Variants in ZFYVE9 observed in about 807,000 individuals in gnomAD.
ZFYVE9 encodes zinc finger FYVE-type containing 9, also known as zinc finger FYVE domain-containing protein 9.
In ZFYVE9, 43 loss-of-function variants were observed where a neutral mutation model predicts 126.7. The ratio of observed to expected loss-of-function variants is 0.34; its 90% CI spans 0.27 to 0.44. ZFYVE9 has a LOEUF of 0.44. Among genes scored for constraint, ZFYVE9 ranks in the 20% least tolerant of loss-of-function variants. The pLI, the probability that ZFYVE9 is intolerant of heterozygous loss-of-function variation, is 1.00. For missense variants in ZFYVE9, 1,476 were observed against 1,697.0 expected, an observed-to-expected ratio of 0.87 and a Z score of 2.29; for synonymous variants, 521 against 597.4, an observed-to-expected ratio of 0.87 and a Z score of 1.87.
intron 1 of ZFYVE9, among the ~76,000 whole-genome samples, chr1:52,207,002 G>T (rs969618046): frequency 9.2e-5 from 14 of 152,174 alleles, no homozygotes; most frequent in Non-Finnish European, 2.1e-4. Context: ...TTTATATCAT[G>T]GGGAGGGCAA....
chr1:52,253,750 C>T, intron 4 of ZFYVE9: 1 of 1,607,736 alleles, frequency 6.2e-7, no homozygotes, highest in South Asian at 1.1e-5. Flanking sequence ...TGGAGTGGAT[C>T]AGTTACGAGA....
intron 12 of ZFYVE9, among the ~76,000 whole-genome samples, chr1:52,302,857 T>G (rs1646048379): frequency 6.6e-6 from 1 of 151,978 alleles, no homozygotes; most frequent in African/African-American, 2.4e-5. Context: ...CGACTGTAAT[T>G]GTAGCACTTT....
intron 1 of ZFYVE9, among the ~76,000 whole-genome samples, chr1:52,148,921 G>A (rs1399642664): frequency 1.5e-5 from 2 of 136,518 alleles, no homozygotes; most frequent in African/African-American, 5.4e-5. Context: ...TTACAGGAAT[G>A]AGCCACTGTT....
intron 13 of ZFYVE9, among the ~76,000 whole-genome samples, chr1:52,329,415 G>A (rs950015799): frequency 3.9e-5 from 6 of 152,042 alleles, no homozygotes; most frequent in Non-Finnish European, 7.4e-5. Flanking sequence ...GTAATCTTTC[G>A]TGACCTTGGA....
intron 12 of ZFYVE9, among the ~76,000 whole-genome samples, chr1:52,298,434 T>C (rs1330810806): frequency 2.0e-5 from 3 of 152,200 alleles, no homozygotes; most frequent in Non-Finnish European, 4.4e-5. Context: ...TCTTGGCACC[T>C]TTGTCGAAAA....
chr1:52,214,317 C>T (rs912494590), intron 1 of ZFYVE9, among the ~76,000 whole-genome samples: 27 of 152,094 alleles, frequency 1.8e-4, no homozygotes, highest in Admixed American at 1.8e-3. Context: ...ATCCCAGCTA[C>T]TCAGGAGGCT....
rs182103354 is a variant in ZFYVE9, at chr1:52,220,083, G to A, written c.-37+3609G>A. The stretch of plus-strand genomic sequence containing the variant: ...GAGCCACCACACCCTGCCAGGCCAA[G>A]ATCTTTTTGAGGGGCAGTTTGGATT... On this transcript the variant is annotated intron_variant, in intron 2 of 18. Coordinates refer to ENST00000287727, the MANE Select transcript of ZFYVE9 (RefSeq NM_004799.4). Among the ~76,000 whole-genome samples the A allele has an allele frequency of 2.4e-3, 361 of 152,280 alleles. 8 individuals are homozygous for A. The highest frequency in any genetic ancestry group is 8.5e-3 in the African/African-American group (354 of 41,552).
chr1:52,281,827 T>C lies in ZFYVE9; in HGVS notation c.3025+11T>C. The C allele has an allele frequency of 1.2e-6, 2 of 1,614,080 alleles. No homozygotes were observed. The highest frequency in any genetic ancestry group is 3.3e-5 in the Admixed American group (2 of 60,002). ...GGGATGCTCTGGCAGGTAGGAATGC[T>C]TTATGACTTAGTCTGCTCCCTTTGT... On this transcript the variant is annotated intron_variant, in intron 10 of 18. Coordinates refer to ENST00000287727, the MANE Select transcript of ZFYVE9 (RefSeq NM_004799.4).
At chr1:52,171,268 T>G (rs1009759043) in intron 1 of ZFYVE9, among the ~76,000 whole-genome samples, 4 of 152,058 alleles carry the variant, frequency 2.6e-5, no homozygotes, top group Non-Finnish European at 5.9e-5. Context: ...TTTCTCCTTG[T>G]GATTGTTTAC....
chr1:52,316,165 C>CAA (rs367815611), intron 13 of ZFYVE9, among the ~76,000 whole-genome samples: 24,923 of 39,028 alleles, frequency 0.64, 9,014 homozygotes, highest in Middle Eastern at 0.82. Flanking sequence ...AACTCCATCT[C>CAA]AAAAAAAAAA....
intron 4 of ZFYVE9, among the ~76,000 whole-genome samples, chr1:52,253,384 A>G (rs1645471123): frequency 6.6e-6 from 1 of 152,216 alleles, no homozygotes; most frequent in Non-Finnish European, 1.5e-5. Flanking sequence ...TTAATTTACT[A>G]GATACTAAGA....
chr1:52,261,135 G>C (rs1645575661), intron 4 of ZFYVE9, among the ~76,000 whole-genome samples: 1 of 151,846 alleles, frequency 6.6e-6, no homozygotes, highest in South Asian at 2.1e-4. Flanking sequence ...ATCTAGGCTA[G>C]AGCCTAGATT....
intron 1 of ZFYVE9, among the ~76,000 whole-genome samples, chr1:52,203,003 T>C (rs1176910260): frequency 6.6e-6 from 1 of 152,116 alleles, no homozygotes; most frequent in Non-Finnish European, 1.5e-5. Context: ...ATTATTAATA[T>C]AATCTCCTTC....
rs759753454 is a variant in ZFYVE9 at position 52,263,078 on chromosome 1, C to CAAAAA, written c.2179-680_2179-676dup. 9.7e-3 allele frequency among the ~76,000 whole-genome samples: 678 copies of CAAAAA among 69,994 alleles called. 10 individuals carry two copies. Among genetic ancestry groups the CAAAAA allele is most frequent in the African/African-American group, 0.03 (622 of 20,878 alleles). 45.9% of individuals were successfully genotyped at this position (69,994 alleles called of 152,430 possible). A position where few individuals can be genotyped will look rare whatever the true frequency, so the allele number is the denominator to read the frequency against. ...TGGGCCACAGAGTCAAATTGTGTCT[C>CAAAAA]AAAAAAAAAAAAAAAAAAAGAAAAG... On this transcript the variant is annotated intron_variant, in intron 4 of 18. Transcript: ENST00000287727.
At chr1:52,341,784 C>T (rs866477716) in intron 17 of ZFYVE9, among the ~76,000 whole-genome samples, 1 of 152,208 alleles carries the variant, frequency 6.6e-6, no homozygotes, top group Non-Finnish European at 1.5e-5. Flanking sequence ...AGCAGTAGTC[C>T]TAAGGGACTC....
At chr1:52,297,170 TA>T (rs1321054754) in intron 12 of ZFYVE9, among the ~76,000 whole-genome samples, 2 of 151,992 alleles carry the variant, frequency 1.3e-5, no homozygotes, top group African/African-American at 4.8e-5. Flanking sequence ...CTAATGGGGC[TA>T]GGGGGCAGCC....
intron 13 of ZFYVE9, among the ~76,000 whole-genome samples, chr1:52,329,078 A>G (rs1265118474): frequency 1.3e-5 from 2 of 152,216 alleles, no homozygotes; most frequent in East Asian, 3.8e-4. Context: ...GTAAATGGAA[A>G]GATGTTCCAT....
chr1:52,309,804 G>C (rs1646120999), intron 13 of ZFYVE9, among the ~76,000 whole-genome samples: 1 of 152,162 alleles, frequency 6.6e-6, no homozygotes, highest in Non-Finnish European at 1.5e-5. Flanking sequence ...TATGGAAAAT[G>C]AGGAGGGAGG....
chr1:52,330,046 A>ACATAT (rs1646326506), intron 13 of ZFYVE9, among the ~76,000 whole-genome samples: 1 of 115,094 alleles, frequency 8.7e-6, no homozygotes, highest in African/African-American at 3.1e-5. Flanking sequence ...ACATAACATA[A>ACATAT]CATAGCACCA....
Sources: allele counts gnomAD v4.1 joint callset (sites outside exome capture counted in the v4.1 genomes callset), GRCh38; gene constraint gnomAD v4.1.1; transcripts MANE v1.5; gene names NCBI Gene and HGNC (gene_info 2026-07-23, HGNC 2026-07-21).